The following NCK2 variants were observed in gnomAD, a reference collection of about 807,000 sequenced individuals.
NCK2 encodes the protein cytoplasmic protein NCK2.
In NCK2, 16 loss-of-function variants were observed where a neutral mutation model predicts 33.9. The observed-to-expected ratio is 0.47, with a 90% CI of 0.32 to 0.72. The LOEUF is 0.72. NCK2 is among the 30% of genes least tolerant of loss of function. NCK2 has a pLI of 0.03. For synonymous variants in NCK2, 273 were observed against 239.9 expected, an observed-to-expected ratio of 1.14 and a Z score of -1.27; for missense variants, 418 against 537.3, an observed-to-expected ratio of 0.78 and a Z score of 2.19.
chr2:105,881,830 G>T lies in NCK2; in HGVS notation c.729G>T (p.Gln243His), dbSNP rs1440465020. The change falls in exon 4 of 5, where the codon CAG (glutamine) becomes CAT (histidine). Residue 243 changes from glutamine to histidine, a missense_variant. Transcript: ENST00000233154. ...EWWKCKNARG[Q>H]VGLVPKNYVV... ...GGAAATGCAAAAATGCCCGGGGCCA[G>T]GTGGGCCTCGTCCCCAAAAACTACG... 2.5e-6 allele frequency: 4 copies of T among 1,603,802 alleles called. No individual in the cohort carries two copies. Among genetic ancestry groups the T allele is most frequent in the South Asian group, 2.2e-5 (2 of 89,246 alleles).
chr2:105,828,697 A>T (rs1262310475), intron 2 of NCK2, among the ~76,000 whole-genome samples: 2 of 152,224 alleles, frequency 1.3e-5, no homozygotes. Context: ...CACCTATGAC[A>T]TCTTGAGCAG....
Position 105,780,325 on chromosome 2 carries a change from T to TATAC in NCK2, c.-201+35188_-201+35189insTACA, listed in dbSNP as rs1325025118. On this transcript the variant is annotated intron_variant, in intron 1 of 4. Transcript: ENST00000233154. ...TTCCATAATATGGGAGAGAGATATATACACACACACACACACACACACACA... is the reference window on the plus strand; with the variant it reads ...TTCCATAATATGGGAGAGAGATATATATACACACACACACACACACACACACACA... Among the ~76,000 whole-genome samples, 873 of 147,448 alleles carry TATAC rather than the reference T, an allele frequency of 5.9e-3. 3 individuals carry two copies. The highest frequency in any genetic ancestry group is 0.014 in the Middle Eastern group (4 of 286).
At chr2:105,782,890 G>A (rs1311669311) in intron 1 of NCK2, among the ~76,000 whole-genome samples, 1 of 152,186 alleles carries the variant, frequency 6.6e-6, no homozygotes, top group Non-Finnish European at 1.5e-5. Flanking sequence ...AGAGGCGTAG[G>A]GGGCAGTTAC....
At chr2:105,774,460 T>C (rs1280573742) in intron 1 of NCK2, among the ~76,000 whole-genome samples, 1 of 152,044 alleles carries the variant, frequency 6.6e-6, no homozygotes, top group African/African-American at 2.4e-5. Context: ...ATAAAATTGA[T>C]GTATTGGTCA....
chr2:105,855,205 A>G lies in NCK2; in HGVS notation c.142A>G (p.Thr48Ala), dbSNP rs1282227137. Residue 48 changes from threonine (T) to alanine (A), a missense_variant, in exon 3 of 5, where the codon ACG becomes GCG. Coordinates refer to ENST00000233154, the MANE Select transcript of NCK2 (RefSeq NM_003581.5). ...WWRVRNAANR[T>A]GYVPSNYVER... is the part of the protein sequence containing the mutation. ...GCGGGTGAGGAACGCGGCCAACAGG[A>G]CGGGCTATGTACCGTCCAACTACGT... 1 of 1,614,118 alleles carries G rather than the reference A, an allele frequency of 6.2e-7. No individual in the cohort carries two copies. The highest frequency in any genetic ancestry group is 8.5e-7 in the Non-Finnish European group (1 of 1,180,032).
At chr2:105,845,010 C>T (rs1676801317) in intron 2 of NCK2, among the ~76,000 whole-genome samples, 1 of 151,872 alleles carries the variant, frequency 6.6e-6, no homozygotes, top group Admixed American at 6.6e-5. Flanking sequence ...ACCCATGTCC[C>T]CTCTCCTACA....
intron 4 of NCK2, among the ~76,000 whole-genome samples, chr2:105,889,856 G>A (rs773314001): frequency 4.6e-5 from 7 of 152,170 alleles, no homozygotes; most frequent in Non-Finnish European, 8.8e-5. Context: ...AAAGGGCAGG[G>A]ATTACAGGTG....
chr2:105,856,667 T>C (rs1677284103), intron 3 of NCK2: 1 of 152,236 alleles, frequency 6.6e-6, no homozygotes, highest in South Asian at 2.1e-4. Context: ...ATTAGGTTCT[T>C]ACCATGATTT....
rs116129698 is a variant in NCK2, at chr2:105,795,512, A to G, written c.-200-20918A>G. On this transcript the variant is annotated intron_variant, in intron 1 of 4. Transcript: ENST00000233154. ...AGTCATATTCCAAAAGAGTTAGAAA[A>G]TACATGGATATTCCTGTCTTATTTT... Among the ~76,000 whole-genome samples the G allele has an allele frequency of 8.2e-3, 1,248 of 152,346 alleles. 24 individuals carry two copies. Among genetic ancestry groups the G allele is most frequent in the African/African-American group, 0.028 (1,178 of 41,568 alleles).
intron 1 of NCK2, among the ~76,000 whole-genome samples, chr2:105,770,859 A>G (rs546517782): frequency 6.6e-6 from 1 of 152,254 alleles, no homozygotes; most frequent in African/African-American, 2.4e-5. Flanking sequence ...TATCATTTCA[A>G]TCTTCAGTGT....
intron 1 of NCK2, among the ~76,000 whole-genome samples, chr2:105,772,269 G>C (rs1231497215): frequency 6.6e-6 from 1 of 152,108 alleles, no homozygotes; most frequent in Non-Finnish European, 1.5e-5. Context: ...CTTTCTCAAG[G>C]CTCAGCTCAT....
At chr2:105,772,543 G>A (rs192477456) in intron 1 of NCK2, among the ~76,000 whole-genome samples, 1 of 152,140 alleles carries the variant, frequency 6.6e-6, no homozygotes, top group East Asian at 1.9e-4. Context: ...GCAGCACTGG[G>A]GTCAGCCGCA....
At chr2:105,794,044 GAT>G (rs1491253788) in intron 1 of NCK2, among the ~76,000 whole-genome samples, 3 of 135,602 alleles carry the variant, frequency 2.2e-5, no homozygotes, top group African/African-American at 5.1e-5. Context: ...TGTATCTTTC[GAT>G]TTTTTTTTTT....
At chr2:105,827,846 A>T (rs1015389974) in intron 2 of NCK2, among the ~76,000 whole-genome samples, 1 of 152,210 alleles carries the variant, frequency 6.6e-6, no homozygotes, top group African/African-American at 2.4e-5. Flanking sequence ...TACAAGGGAT[A>T]ATGTCAGAGA....
At chr2:105,770,827 C>T (rs564196741) in intron 1 of NCK2, among the ~76,000 whole-genome samples, 2 of 118,868 alleles carry the variant, frequency 1.7e-5, no homozygotes, top group South Asian at 5.4e-4. Flanking sequence ...TTGGGTTAAA[C>T]AGTTTGGCAT....
chr2:105,881,136 T>G (rs1678458879), intron 3 of NCK2, among the ~76,000 whole-genome samples, 192 bp from the exon 4 acceptor site: 1 of 152,132 alleles, frequency 6.6e-6, no homozygotes, highest in African/African-American at 2.4e-5. Context: ...CAACTTTAAG[T>G]AACTTCGCAA....
chr2:105,834,776 C>T (rs1676326039), intron 2 of NCK2, among the ~76,000 whole-genome samples: 1 of 151,870 alleles, frequency 6.6e-6, no homozygotes, highest in Non-Finnish European at 1.5e-5. Flanking sequence ...TAAGTGACTG[C>T]CCCCCTGCTT....
chr2:105,780,313 G>A (rs1233141938), intron 1 of NCK2, among the ~76,000 whole-genome samples: 1 of 95,472 alleles, frequency 1.0e-5, no homozygotes, highest in East Asian at 3.4e-4. Context: ...CATAATATGG[G>A]AGAGAGATAT....
chr2:105,835,403 A>G (rs1403772412), intron 2 of NCK2, among the ~76,000 whole-genome samples: 1 of 85,788 alleles, frequency 1.2e-5, no homozygotes, highest in African/African-American at 3.6e-5. Flanking sequence ...ATATATATAT[A>G]TACGTGTATA....
Sources: allele counts gnomAD v4.1 joint callset (sites outside exome capture counted in the v4.1 genomes callset), GRCh38; gene constraint gnomAD v4.1.1; transcripts MANE v1.5; gene names NCBI Gene and HGNC (gene_info 2026-07-23, HGNC 2026-07-21).